Variants in PHF8 observed in about 807,000 individuals in gnomAD.
PHF8 encodes the protein PHD finger protein 8.
In PHF8, 9 loss-of-function variants were observed where a neutral mutation model predicts 74.4. The ratio of observed to expected loss-of-function variants is 0.12; its 90% CI spans 0.07 to 0.21. The LOEUF (loss-of-function observed/expected upper bound fraction) is 0.21. Ranked by LOEUF, PHF8 falls within the 10% of genes least tolerant of loss-of-function variation. The pLI is 1.00. For missense variants in PHF8, 478 were observed against 816.6 expected, an observed-to-expected ratio of 0.59 and a Z score of 5.05; for synonymous variants, 311 against 316.6, an observed-to-expected ratio of 0.98 and a Z score of 0.19.
rs782749617 is a variant in PHF8 at position 54,002,609 on chromosome X, G to A, written c.1020C>T (p.Ile340=). 9 of 1,185,412 alleles carry A rather than the reference G, an allele frequency of 7.6e-6. No individual in the cohort carries two copies. The highest frequency in any genetic ancestry group is 5.9e-5 in the East Asian group (2 of 33,738). The part of the protein sequence containing the change: ...FGGNFLHSLN[I]EMQLKAYEIE... ...TCAGTACTCACTTGAGCTGCATCTC[G>A]ATGTTAAGGCTGTGTAAGAAGTTCC... Residue 340 remains isoleucine, a synonymous_variant, in exon 9 of 22, where the codon ATC becomes ATT. Coordinates refer to ENST00000338154, the MANE Select transcript of PHF8 (RefSeq NM_015107.3).
intron 19 of PHF8, among the ~76,000 whole-genome samples, chrX:53,952,093 G>A (rs1375049786): frequency 9.1e-6 from 1 of 109,721 alleles, no homozygotes; most frequent in Non-Finnish European, 1.9e-5. Flanking sequence ...AGACCAGCCT[G>A]GCCAACATAG....
chrX:53,997,900 C>CA (rs1397776856), intron 11 of PHF8, among the ~76,000 whole-genome samples: 1 of 111,509 alleles, frequency 9.0e-6, no homozygotes, highest in Non-Finnish European at 1.9e-5. Context: ...ATATGAAATC[C>CA]AAGAATATCC....
intron 14 of PHF8, among the ~76,000 whole-genome samples, chrX:53,991,445 C>G (rs2065658631): frequency 9.2e-6 from 1 of 108,784 alleles, no homozygotes; most frequent in Non-Finnish European, 1.9e-5. Context: ...GCGGATCACT[C>G]GAGGCCAGGA....
intron 2 of PHF8, among the ~76,000 whole-genome samples, chrX:54,040,584 G>A (rs1246897571): frequency 2.7e-5 from 3 of 111,817 alleles, no homozygotes; most frequent in African/African-American, 9.8e-5. Context: ...AAAGGGGAGA[G>A]GGCATTAGTG....
intron 8 of PHF8, among the ~76,000 whole-genome samples, chrX:54,007,399 T>C (rs782134743): frequency 4.5e-5 from 5 of 110,174 alleles, no homozygotes; most frequent in African/African-American, 9.9e-5. Context: ...GAAAAAAAAA[T>C]AGATAAATTG....
At chrX:54,003,376 G>A (rs1351276721) in intron 8 of PHF8, among the ~76,000 whole-genome samples, 4 of 111,627 alleles carry the variant, frequency 3.6e-5, no homozygotes, top group Non-Finnish European at 7.5e-5. Context: ...ATAAATTAGG[G>A]TCAGGCACAG....
intron 8 of PHF8, among the ~76,000 whole-genome samples, chrX:54,005,640 A>G (rs2149857751): frequency 9.2e-6 from 1 of 108,801 alleles, no homozygotes; most frequent in Admixed American, 9.9e-5. Flanking sequence ...AAAAAAAAAA[A>G]GAATGAAAGC....
chrX:53,986,275 T>C (rs782620336), intron 16 of PHF8, among the ~76,000 whole-genome samples: 7 of 112,815 alleles, frequency 6.2e-5, no homozygotes, highest in Non-Finnish European at 9.4e-5. Flanking sequence ...CAGAGCCTCG[T>C]TCTGTCGCCA....
chrX:54,041,988 G>A (rs1165365023), intron 2 of PHF8, among the ~76,000 whole-genome samples: 1 of 112,131 alleles, frequency 8.9e-6, no homozygotes, highest in Non-Finnish European at 1.9e-5. Context: ...CAGTGTGTGA[G>A]GCAGAACATA....
chrX:53,967,192 G>A (rs1156235947), intron 18 of PHF8, among the ~76,000 whole-genome samples: 2 of 106,264 alleles, frequency 1.9e-5, no homozygotes, highest in Non-Finnish European at 3.9e-5. Flanking sequence ...GGTGAGGGGC[G>A]CCTCTGCCCG....
intron 10 of PHF8, among the ~76,000 whole-genome samples, chrX:54,000,216 T>C (rs2065807889): frequency 8.9e-6 from 1 of 111,768 alleles, no homozygotes; most frequent in African/African-American, 3.3e-5. Flanking sequence ...AAAATTGAGG[T>C]TCAGAGAGGC....
At chrX:54,034,048 G>C (rs1248864404) in intron 2 of PHF8, among the ~76,000 whole-genome samples, 1 of 112,086 alleles carries the variant, frequency 8.9e-6, no homozygotes, top group Non-Finnish European at 1.9e-5. Context: ...AAATTCTTTA[G>C]TAACTTAAAT....
chrX:53,942,315 G>A (rs2064764185), intron 20 of PHF8, among the ~76,000 whole-genome samples: 1 of 112,012 alleles, frequency 8.9e-6, no homozygotes, highest in Non-Finnish European at 1.9e-5. Context: ...GAGCTTGTAC[G>A]TACATTACCT....
chrX:54,020,534 A>G (rs781909693), intron 4 of PHF8, among the ~76,000 whole-genome samples: 1 of 111,952 alleles, frequency 8.9e-6, no homozygotes, highest in South Asian at 3.7e-4. Flanking sequence ...AAGATACAGA[A>G]CAATATATAG....
intron 19 of PHF8, among the ~76,000 whole-genome samples, chrX:53,947,218 G>A (rs1477784842): frequency 1.8e-5 from 2 of 111,220 alleles, no homozygotes; most frequent in African/African-American, 6.5e-5. Flanking sequence ...CACCATGTTG[G>A]CCAGGATGGT....
intron 18 of PHF8, among the ~76,000 whole-genome samples, chrX:53,971,059 T>C (rs995945841): frequency 1.1e-4 from 12 of 111,473 alleles, no homozygotes; most frequent in Admixed American, 1.9e-4. Context: ...CATCACCACA[T>C]GGCACTTTAA....
chrX:54,044,168 C>T lies in PHF8; in HGVS notation c.-499G>A. On this transcript the variant is annotated 5_prime_UTR_variant, in exon 1 of 22. Coordinates refer to ENST00000338154, the MANE Select transcript of PHF8 (RefSeq NM_015107.3). Reference sequence around the variant, plus strand: ...AGACCGCGGCTTGGGCCTAGTCTGGCGGCCGCCCGGCGAACGGGCAAGTGG... The same window carrying T: ...AGACCGCGGCTTGGGCCTAGTCTGGTGGCCGCCCGGCGAACGGGCAAGTGG... 1.3e-6 allele frequency: 1 copy of T among 754,901 alleles called. No homozygotes were observed. Among genetic ancestry groups the T allele is most frequent in the Non-Finnish European group, 1.6e-6 (1 of 639,449 alleles). 62.2% of individuals were successfully genotyped at this position (754,901 alleles called of 1,213,427 possible).
At chrX:54,015,478 AG>A (rs1343607614) in intron 6 of PHF8, among the ~76,000 whole-genome samples, 1 of 103,050 alleles carries the variant, frequency 9.7e-6, no homozygotes, top group Non-Finnish European at 2.0e-5. Context: ...CGGGAGGCTG[AG>A]GCAGGAGAAT....
intron 6 of PHF8, among the ~76,000 whole-genome samples, chrX:54,015,642 G>A (rs1006849569): frequency 6.5e-5 from 7 of 107,045 alleles, no homozygotes; most frequent in Non-Finnish European, 1.1e-4. Flanking sequence ...TACATAATAC[G>A]TTACCATTGA....
Sources: allele counts gnomAD v4.1 joint callset (sites outside exome capture counted in the v4.1 genomes callset), GRCh38; gene constraint gnomAD v4.1.1; transcripts MANE v1.5; gene names NCBI Gene and HGNC (gene_info 2026-07-23, HGNC 2026-07-21).